The following ESR2 variants were observed in gnomAD, a reference collection of about 807,000 sequenced individuals.
ESR2 encodes the protein estrogen receptor beta.
In ESR2, 36 loss-of-function variants were observed where a neutral mutation model predicts 49.6. That is an observed-to-expected ratio of 0.73 (90% confidence interval 0.56 to 0.96). ESR2 has a LOEUF of 0.96. Ranked by LOEUF, ESR2 falls within the 40% of genes least tolerant of loss-of-function variation. ESR2 has a pLI of 0.00. For synonymous variants in ESR2, 320 were observed against 266.1 expected (o/e 1.20, Z -1.97); for missense variants, 714 against 693.0 (o/e 1.03, Z -0.34).
downstream of ESR2, chr14:64,227,440 T>TA: frequency 2.1e-6 from 3 of 1,423,484 alleles, no homozygotes; most frequent in Non-Finnish European, 2.9e-6. Flanking sequence ...TCTTTAAAAT[T>TA]ATTTTTTTCA....
intron 1 of ESR2, among the ~76,000 whole-genome samples, chr14:64,316,808 CA>C (rs1368277968): frequency 6.6e-6 from 1 of 151,860 alleles, no homozygotes; most frequent in Non-Finnish European, 1.5e-5. Flanking sequence ...GACTCCATCT[CA>C]AAAAATAAAA....
chr14:64,330,828 G>A (rs1385449726), intron 1 of ESR2: 1 of 151,972 alleles, frequency 6.6e-6, no homozygotes, highest in Non-Finnish European at 1.5e-5. Flanking sequence ...GGGAGGCTGA[G>A]GCAGAAGAAT....
intron 4 of ESR2, among the ~76,000 whole-genome samples, chr14:64,262,675 C>T (rs1026310936): frequency 4.5e-5 from 6 of 133,850 alleles, no homozygotes; most frequent in African/African-American, 1.6e-4. Context: ...GCGGGTGGGG[C>T]GGGAGGGGAC....
chr14:64,248,807 G>A (rs1439168523), intron 7 of ESR2, among the ~76,000 whole-genome samples: 2 of 151,886 alleles, frequency 1.3e-5, no homozygotes, highest in East Asian at 3.9e-4. Context: ...CCTCTAATGG[G>A]CCCCCGGCTT....
intron 3 of ESR2, among the ~76,000 whole-genome samples, chr14:64,271,338 T>C (rs1222621087): frequency 6.6e-6 from 1 of 152,168 alleles, no homozygotes; most frequent in East Asian, 1.9e-4. Flanking sequence ...TTCTTTTTCT[T>C]TTTTGGAGAC....
At chr14:64,279,322 T>C (rs145283513) in intron 3 of ESR2, among the ~76,000 whole-genome samples, 1 of 152,332 alleles carries the variant, frequency 6.6e-6, no homozygotes, top group African/African-American at 2.4e-5. Context: ...TTGTCACTCA[T>C]ATTTGGCTCA....
At chr14:64,263,317 C>T (rs1001632347) in intron 4 of ESR2, among the ~76,000 whole-genome samples, 1 of 152,126 alleles carries the variant, frequency 6.6e-6, no homozygotes, top group Non-Finnish European at 1.5e-5. Context: ...GGAGACTCAT[C>T]GCTAGAATAT....
chr14:64,287,020 AGTT>A (rs1044293090), intron 1 of ESR2, among the ~76,000 whole-genome samples: 5 of 148,642 alleles, frequency 3.4e-5, no homozygotes, highest in Non-Finnish European at 5.9e-5. Flanking sequence ...CCTGGCCTGA[AGTT>A]GTTTTTTTTT....
chr14:64,335,025 G>T (rs1486593665), intron 1 of ESR2, among the ~76,000 whole-genome samples: 1 of 152,170 alleles, frequency 6.6e-6, no homozygotes, highest in African/African-American at 2.4e-5. Flanking sequence ...ATAAATAATG[G>T]TTTTTCCTAA....
At chr14:64,312,591 C>T (rs1460360775) in intron 1 of ESR2, among the ~76,000 whole-genome samples, 1 of 152,164 alleles carries the variant, frequency 6.6e-6, no homozygotes, top group Non-Finnish European at 1.5e-5. Flanking sequence ...GAGGCACATC[C>T]TCTTACAGAC....
chr14:64,325,231 C>G (rs574710456), intron 1 of ESR2, among the ~76,000 whole-genome samples: 1 of 152,296 alleles, frequency 6.6e-6, no homozygotes, highest in East Asian at 1.9e-4. Context: ...CTGTTTCCAA[C>G]CCACACATCA....
At position 64,308,717 on chromosome 14, in the gene ESR2, T is replaced by C. The variant is rs192511196; in HGVS notation, c.-90-25642A>G. ...TTATTAATTATTTTTTATGATTGTATGTCATAAACTTTATACTACATGTTG... is the reference window on the plus strand; with the variant it reads ...TTATTAATTATTTTTTATGATTGTACGTCATAAACTTTATACTACATGTTG... On this transcript the variant is annotated intron_variant, in intron 1 of 8. Transcript: ENST00000358599. 1.8e-4 allele frequency among the ~76,000 whole-genome samples: 27 copies of C among 152,260 alleles called. No homozygotes were observed. The East Asian group carries it at 4.4e-3, about 25-fold the overall frequency.
intron 1 of ESR2, among the ~76,000 whole-genome samples, chr14:64,284,718 T>G (rs2076753617): frequency 6.6e-6 from 1 of 152,226 alleles, no homozygotes; most frequent in Non-Finnish European, 1.5e-5. Flanking sequence ...AAAAAGCCCA[T>G]CATAGTTACC....
intron 3 of ESR2, among the ~76,000 whole-genome samples, chr14:64,273,003 T>A (rs2076480675): frequency 1.2e-5 from 1 of 81,518 alleles, no homozygotes; most frequent in South Asian, 2.8e-4. Context: ...GGAATATCTT[T>A]CCATTTTTTT....
At chr14:64,297,149 C>T (rs1248327079), upstream of ESR2, among the ~76,000 whole-genome samples, 2 of 152,170 alleles carry the variant, frequency 1.3e-5, no homozygotes, top group Non-Finnish European at 2.9e-5. Flanking sequence ...GACTGCCTGT[C>T]TCCAAAATAT....
At chr14:64,275,197 A>G (rs536917263) in intron 3 of ESR2, among the ~76,000 whole-genome samples, 1 of 152,318 alleles carries the variant, frequency 6.6e-6, no homozygotes, top group Non-Finnish European at 1.5e-5. Context: ...GTGGAGTGTT[A>G]AAGTGTCCAG....
At chr14:64,307,695 C>T (rs1009087940) in intron 1 of ESR2, among the ~76,000 whole-genome samples, 5 of 152,088 alleles carry the variant, frequency 3.3e-5, no homozygotes, top group South Asian at 2.1e-4. Context: ...CCACCACGCC[C>T]GGCTAATTTT....
Position 64,282,874 on chromosome 14 carries a change from C to G in ESR2, c.112G>C (p.Asp38His). 6.2e-7 allele frequency: 1 copy of G among 1,614,170 alleles called. No homozygotes were observed. Among genetic ancestry groups the G allele is most frequent in the East Asian group, 2.2e-5 (1 of 44,884 alleles). ...GSIYIPSSYV[D>H]SHHEYPAMTF... ...ATGGCTGGATATTCATGGTGGCTGT[C>G]TACATAGGAGGAAGGTATGTATATG... The change falls in exon 2 of 9, where the codon GAC becomes CAC. Residue 38 changes from aspartate to histidine, a missense_variant. Coordinates refer to ENST00000341099, the MANE Select transcript of ESR2 (RefSeq NM_001437.3).
At chr14:64,227,942 T>C, downstream of ESR2, 1 of 1,594,998 alleles carries the variant, frequency 6.3e-7, no homozygotes. Context: ...GTAAAGGATA[T>C]AATTCTAATC....
Sources: gnomAD v4.1 joint callset for allele counts (sites outside exome capture counted in the v4.1 genomes callset) on GRCh38, gnomAD v4.1.1 for gene constraint, MANE v1.5 for transcripts, NCBI Gene and HGNC (gene_info 2026-07-23, HGNC 2026-07-21) for gene names.